The following ZNF804A variants were observed in gnomAD, a reference collection of about 807,000 sequenced individuals.
ZNF804A encodes the protein zinc finger protein 804A.
Under a neutral mutation model 16.5 loss-of-function variants are expected in ZNF804A, and 2 were observed. The ratio of observed to expected loss-of-function variants is 0.12; its 90% confidence interval spans 0.05 to 0.38. The LOEUF (loss-of-function observed/expected upper bound fraction) is 0.38. Among genes scored for constraint, ZNF804A ranks in the 10% least tolerant of loss-of-function variants. The pLI, the probability that ZNF804A is intolerant of heterozygous loss-of-function variation, is 0.99. For synonymous variants in ZNF804A, 534 were observed against 489.6 expected (o/e 1.09, Z -1.20); for missense variants, 1,473 against 1,390.7 (o/e 1.06, Z -0.94).
At chr2:184,673,641 A>G (rs1002922447) in intron 1 of ZNF804A, among the ~76,000 whole-genome samples, 4 of 152,166 alleles carry the variant, frequency 2.6e-5, no homozygotes, top group African/African-American at 9.7e-5. Flanking sequence ...TTGCCTCATG[A>G]GCTGACAATC....
intron 1 of ZNF804A, among the ~76,000 whole-genome samples, chr2:184,814,918 C>T (rs929840845): frequency 3.3e-5 from 5 of 151,988 alleles, no homozygotes; most frequent in African/African-American, 9.7e-5. Context: ...TTTTAAATAC[C>T]TGTAGCCCTT....
intron 1 of ZNF804A, among the ~76,000 whole-genome samples, chr2:184,704,687 A>G (rs188851003): frequency 2.8e-4 from 43 of 152,316 alleles, no homozygotes; most frequent in Non-Finnish European, 4.3e-4. Flanking sequence ...CCCAAAGCAA[A>G]TATCTTAGCC....
intron 1 of ZNF804A, among the ~76,000 whole-genome samples, chr2:184,680,546 C>A (rs574938842): frequency 3.9e-5 from 6 of 152,368 alleles, no homozygotes; most frequent in African/African-American, 1.4e-4. Context: ...GACTGTGCAT[C>A]TCTTCTCTGC....
chr2:184,613,128 T>C (rs1192200817), intron 1 of ZNF804A, among the ~76,000 whole-genome samples: 1 of 152,256 alleles, frequency 6.6e-6, no homozygotes, highest in Non-Finnish European at 1.5e-5. Context: ...CTATGAAGTA[T>C]AGAAACTGTG....
At chr2:184,933,459 T>C in intron 2 of ZNF804A, 144 bp from the exon 3 acceptor site, 1 of 648,446 alleles carries the variant, frequency 1.5e-6, no homozygotes, top group Non-Finnish European at 2.4e-6. Context: ...ATATTTTTGT[T>C]AGAAGTGGAT....
chr2:184,892,685 G>T (rs1199574360), intron 2 of ZNF804A, among the ~76,000 whole-genome samples: 1 of 151,906 alleles, frequency 6.6e-6, no homozygotes, highest in Non-Finnish European at 1.5e-5. Context: ...GGTTTCGCCT[G>T]TTGGCCAGGC....
At chr2:184,685,162 C>T (rs1240910897) in intron 1 of ZNF804A, among the ~76,000 whole-genome samples, 1 of 152,062 alleles carries the variant, frequency 6.6e-6, no homozygotes, top group Non-Finnish European at 1.5e-5. Context: ...GCAGGCAGCT[C>T]CAGGCTCTGG....
At chr2:184,808,106 T>C (rs1694839203) in intron 1 of ZNF804A, among the ~76,000 whole-genome samples, 1 of 151,652 alleles carries the variant, frequency 6.6e-6, no homozygotes, top group Non-Finnish European at 1.5e-5. Flanking sequence ...ACTGATAATA[T>C]AAGACTATTA....
chr2:184,731,428 A>T (rs773384500), intron 1 of ZNF804A, among the ~76,000 whole-genome samples: 2 of 152,066 alleles, frequency 1.3e-5, no homozygotes, highest in Non-Finnish European at 2.9e-5. Context: ...TGGCCATTCG[A>T]ATAGATATGT....
chr2:184,692,636 G>T lies in ZNF804A; in HGVS notation c.111+93566G>T, dbSNP rs571922384. On this transcript the variant is annotated intron_variant, in intron 1 of 3. Coordinates refer to ENST00000302277, the MANE Select transcript of ZNF804A (RefSeq NM_194250.2). ...CTGAGGTTTTACAGCTTCAAAGAAA[G>T]CTGTAGAATGCTGACACCAGAAATC... Among the ~76,000 whole-genome samples the T allele has an allele frequency of 3.9e-5, 6 of 152,250 alleles. No homozygotes were observed. In the South Asian group the frequency reaches 1.2e-3, roughly 32 times the overall value.
intron 1 of ZNF804A, among the ~76,000 whole-genome samples, chr2:184,700,155 C>G: frequency 6.6e-6 from 1 of 152,010 alleles, no homozygotes. Flanking sequence ...TATTTGTAAA[C>G]TTATTGTAAA....
chr2:184,688,604 T>C (rs1045978262), intron 1 of ZNF804A, among the ~76,000 whole-genome samples: 2 of 152,130 alleles, frequency 1.3e-5, no homozygotes, highest in Non-Finnish European at 2.9e-5. Flanking sequence ...GATTTACATG[T>C]CTCTCAATAT....
At chr2:184,806,671 A>G (rs1694810102) in intron 1 of ZNF804A, among the ~76,000 whole-genome samples, 1 of 151,874 alleles carries the variant, frequency 6.6e-6, no homozygotes, top group African/African-American at 2.4e-5. Flanking sequence ...TAAGTAATGC[A>G]TATTGTATAT....
intron 2 of ZNF804A, among the ~76,000 whole-genome samples, chr2:184,890,603 C>T (rs1424458157): frequency 6.6e-6 from 1 of 151,908 alleles, no homozygotes; most frequent in Non-Finnish European, 1.5e-5. Flanking sequence ...CATATATATT[C>T]TAAATATTTA....
intron 1 of ZNF804A, among the ~76,000 whole-genome samples, chr2:184,839,843 AT>A (rs1370906597): frequency 3.3e-5 from 5 of 152,156 alleles, no homozygotes; most frequent in Non-Finnish European, 5.9e-5. Context: ...ATTAATTAAC[AT>A]TTATCAGTTC....
intron 1 of ZNF804A, among the ~76,000 whole-genome samples, chr2:184,622,250 G>A (rs1011116998): frequency 6.6e-6 from 1 of 151,626 alleles, no homozygotes; most frequent in African/African-American, 2.4e-5. Flanking sequence ...TTCATTATTT[G>A]CATCTTTATA....
intron 1 of ZNF804A, among the ~76,000 whole-genome samples, chr2:184,731,104 C>G (rs1028541123): frequency 6.0e-5 from 9 of 150,738 alleles, no homozygotes; most frequent in Non-Finnish European, 1.2e-4. Context: ...TACACAAATT[C>G]GGCAGGTGTG....
chr2:184,807,052 A>G lies in ZNF804A; in HGVS notation c.112-59317A>G, dbSNP rs142563051. Among the ~76,000 whole-genome samples, 383 of 151,898 alleles carry G rather than the reference A, an allele frequency of 2.5e-3. 2 individuals carry two copies. The highest frequency in any genetic ancestry group is 8.4e-3 in the African/African-American group (351 of 41,546). Reference sequence around the variant, plus strand: ...GTTATATTGTCTCTGCTCTTTTCAGATAGCCCCTGTCCAACTTGGCATAGT... The same window carrying G: ...GTTATATTGTCTCTGCTCTTTTCAGGTAGCCCCTGTCCAACTTGGCATAGT... On this transcript the variant is annotated intron_variant, in intron 1 of 3. Transcript: ENST00000302277.
chr2:184,884,928 A>G (rs11889878), intron 2 of ZNF804A, among the ~76,000 whole-genome samples: 3 of 152,192 alleles, frequency 2.0e-5, no homozygotes, highest in African/African-American at 7.2e-5. Flanking sequence ...GAATAGAAGA[A>G]AACACTTGCA....
Sources: gnomAD v4.1 joint callset for allele counts (sites outside exome capture counted in the v4.1 genomes callset) on GRCh38, gnomAD v4.1.1 for gene constraint, MANE v1.5 for transcripts, NCBI Gene and HGNC (gene_info 2026-07-23, HGNC 2026-07-21) for gene names.